Variants in KCNQ4 observed in about 807,000 individuals in gnomAD.
KCNQ4 encodes the protein potassium voltage-gated channel subfamily Q member 4, also known as potassium voltage-gated channel subfamily KQT member 4.
KCNQ4 carries 31 observed loss-of-function variants against 72.6 expected under a neutral mutation model. That is an observed-to-expected ratio of 0.43 (90% CI 0.32 to 0.58). The LOEUF (loss-of-function observed/expected upper bound fraction) is 0.58. Among genes scored for constraint, KCNQ4 ranks in the 20% least tolerant of loss-of-function variants. The probability of loss-of-function intolerance (pLI) is 0.08; values close to 1 mark genes in which losing one functional copy is unlikely to be tolerated. For synonymous variants in KCNQ4, 405 were observed against 403.7 expected (o/e 1.00, Z -0.04); for missense variants, 869 against 962.6 (o/e 0.90, Z 1.29).
intron 1 of KCNQ4, among the ~76,000 whole-genome samples, chr1:40,816,041 G>A (rs895449387): frequency 1.6e-5 from 2 of 124,228 alleles, no homozygotes; most frequent in African/African-American, 3.0e-5. Context: ...CAGAGGCTCC[G>A]TAGAGCTTTG....
rs770318252 is a variant in KCNQ4, at chr1:40,837,797, G to T, written c.1875+3G>T. 26 of 1,606,504 alleles carry T rather than the reference G, an allele frequency of 1.6e-5. 1 individual carries two copies. In the African/African-American group the frequency reaches 2.4e-4, roughly 15 times the overall value. On this transcript the variant is annotated splice_donor_region_variant and intron_variant, in intron 13 of 13. Coordinates refer to ENST00000347132, the MANE Select transcript of KCNQ4 (RefSeq NM_004700.4). The stretch of plus-strand genomic sequence containing the variant: ...GCGTGGTCAAGGTGGAGAAGCAGGT[G>T]AGTGTAGGATGGGGTGGCGGAGCTG...
intron 8 of KCNQ4, among the ~76,000 whole-genome samples, chr1:40,823,838 A>G (rs753049182): frequency 5.9e-5 from 9 of 152,228 alleles, no homozygotes; most frequent in Non-Finnish European, 1.2e-4. Context: ...ATGGGCTGAG[A>G]GTAAGCTCCT....
chr1:40,822,630 C>A (rs1648339220), intron 8 of KCNQ4, among the ~76,000 whole-genome samples: 1 of 152,146 alleles, frequency 6.6e-6, no homozygotes, highest in Non-Finnish European at 1.5e-5. Context: ...TTGGTGAAGC[C>A]CTGCCCCATG....
chr1:40,803,939 G>T (rs1287148754), intron 1 of KCNQ4, among the ~76,000 whole-genome samples: 2 of 152,184 alleles, frequency 1.3e-5, no homozygotes, highest in Non-Finnish European at 2.9e-5. Flanking sequence ...AGCTCCCCAG[G>T]GAACTCTGCC....
rs563132684 is a variant in KCNQ4, at chr1:40,817,315, A to G, written c.365A>G (p.Gln122Arg). Residue 122 changes from glutamine to arginine, a missense_variant, in exon 2 of 14, where the codon CAG (glutamine) becomes CGG (arginine). By Grantham distance (43) the Gln-to-Arg change is conservative. Around this residue, in one of 5 missense-constraint regions of KCNQ4, gnomAD observed 179 missense variants for 243.0 expected, o/e 0.74. Coordinates refer to ENST00000347132, the MANE Select transcript of KCNQ4 (RefSeq NM_004700.4). The surrounding 1 kb of genome is among the most constrained non-coding windows in gnomAD (Gnocchi z 5.5). Reference protein sequence around the residue: ...CLVLSVLSTIQEHQELANECL... With the variant: ...CLVLSVLSTIREHQELANECL... ...GTGCTGTCTGTGCTGTCCACTATCCAGGAGCACCAGGAACTTGCCAACGAG... is the reference window on the plus strand; with the variant it reads ...GTGCTGTCTGTGCTGTCCACTATCCGGGAGCACCAGGAACTTGCCAACGAG... 12 of 1,613,842 alleles carry G rather than the reference A, an allele frequency of 7.4e-6. No homozygotes were observed. The highest frequency in any genetic ancestry group is 1.6e-4 in the Middle Eastern group (1 of 6,084).
Position 40,833,186 on chromosome 1 carries a change from A to G in KCNQ4, c.1613+73A>G, listed in dbSNP as rs74071723. On this transcript the variant is annotated intron_variant, in intron 11 of 13. Coordinates refer to ENST00000347132, the MANE Select transcript of KCNQ4 (RefSeq NM_004700.4). ...TGCTGCTCCCCATCTGGGCGGGTGG[A>G]TCACTTGAGGTCAGGAGTTTGAGAC... 13,753 of 1,122,630 alleles carry G rather than the reference A, an allele frequency of 0.012. 1,108 individuals carry two copies. In the African/African-American group the frequency reaches 0.18, roughly 15 times the overall value. 69.5% of individuals were successfully genotyped at this position (1,122,630 alleles called of 1,614,324 possible).
At chr1:40,830,346 A>G (rs950808250) in intron 9 of KCNQ4, among the ~76,000 whole-genome samples, 3 of 152,176 alleles carry the variant, frequency 2.0e-5, no homozygotes, top group Non-Finnish European at 4.4e-5. Context: ...GCACACCTCC[A>G]GGGCACCACT....
chr1:40,806,849 C>G (rs1044904339), intron 1 of KCNQ4, among the ~76,000 whole-genome samples: 1 of 152,172 alleles, frequency 6.6e-6, no homozygotes, highest in South Asian at 2.1e-4. Context: ...TCCATTCCTG[C>G]GAAAGACAAT....
chr1:40,784,518 C>G lies in KCNQ4; in HGVS notation c.314+111C>G. The G allele has an allele frequency of 3.0e-6, 3 of 1,000,354 alleles. No individual in the cohort carries two copies. The highest frequency in any genetic ancestry group is 2.6e-5 in the South Asian group (2 of 76,298). The allele number at this position is 1,000,354 out of a possible 1,614,324, so 62.0% of individuals were successfully genotyped here. A position where few individuals can be genotyped will look rare whatever the true frequency, so the allele number is the denominator to read the frequency against. ...TCTACCCCCCTGCCTCAGGGCCGAC[C>G]CTCATCTCTCTCCCCCCAGGCCTAA... On this transcript the variant is annotated intron_variant, in intron 1 of 13. Transcript: ENST00000347132. The surrounding 1 kb of genome is among the most constrained non-coding windows in gnomAD (Gnocchi z 4.1).
chr1:40,830,755 C>G (rs1648618069), intron 9 of KCNQ4, among the ~76,000 whole-genome samples: 1 of 152,094 alleles, frequency 6.6e-6, no homozygotes, highest in South Asian at 2.1e-4. Context: ...GCCCAGCTCC[C>G]ACATCCTCCT....
At chr1:40,822,541 C>T (rs1648336744) in intron 8 of KCNQ4, 139 bp downstream of exon 8, 1 of 677,890 alleles carries the variant, frequency 1.5e-6, no homozygotes, top group African/African-American at 1.8e-5. Flanking sequence ...TCTGCAGATC[C>T]TATGTAATTC....
rs764363403 is a variant in KCNQ4 at position 40,824,165 on chromosome 1, G to A, written c.1199G>A (p.Arg400Gln). 1.3e-5 allele frequency: 20 copies of A among 1,553,978 alleles called. No individual in the cohort carries two copies. The highest frequency in any genetic ancestry group is 4.9e-5 in the East Asian group (2 of 41,062). The change falls in exon 9 of 14, where the codon CGG becomes CAG. Residue 400 changes from arginine to glutamine, a missense_variant. Physicochemically the swap from Arg to Gln is conservative, Grantham distance 43. Transcript: ENST00000347132. ...GGGGGCCTACGGCCCCTGGAGGTGCGGCGGGCGCCGGTACCCGACGGAGCA... is the reference window on the plus strand; with the variant it reads ...GGGGGCCTACGGCCCCTGGAGGTGCAGCGGGCGCCGGTACCCGACGGAGCA... ...RNGGLRPLEVRRAPVPDGAPS... is the reference protein window; with the variant it reads ...RNGGLRPLEVQRAPVPDGAPS...
At chr1:40,819,236 G>C in intron 4 of KCNQ4, 111 bp from the exon 5 acceptor site, 1 of 1,343,442 alleles carries the variant, frequency 7.4e-7, no homozygotes, top group Non-Finnish European at 1.0e-6. Flanking sequence ...AGAAAAGCGA[G>C]CCTGGGACTC....
Position 40,807,691 on chromosome 1 carries a change from G to A in KCNQ4, c.315-9574G>A, listed in dbSNP as rs989227896. On this transcript the variant is annotated intron_variant, in intron 1 of 13. Transcript: ENST00000347132. ...CAAGTCTAGCTGAAGTCCCTTCTTC[G>A]GTATCAGCTCCGGTTTGGGGTTTAA... is the stretch of plus-strand genomic sequence containing the variant. 2.0e-5 allele frequency among the ~76,000 whole-genome samples: 3 copies of A among 152,164 alleles called. No individual in the cohort carries two copies. In the East Asian group the frequency reaches 5.8e-4, roughly 29 times the overall value.
chr1:40,818,703 G>C lies in KCNQ4; in HGVS notation c.708+23G>C, dbSNP rs779376065. On this transcript the variant is annotated intron_variant, in intron 4 of 13. Coordinates refer to ENST00000347132, the MANE Select transcript of KCNQ4 (RefSeq NM_004700.4). ...AAGGTGAGGCCTGCAAGCCGCGCGC[G>C]GAGACCCGAGGGCGTGTCTGGGGCA... The C allele has an allele frequency of 1.5e-5, 24 of 1,565,478 alleles. 1 individual carries two copies. Among genetic ancestry groups the C allele is most frequent in the Middle Eastern group, 2.1e-4 (1 of 4,844 alleles).
chr1:40,821,545 G>A (rs972982145), intron 7 of KCNQ4, among the ~76,000 whole-genome samples: 1 of 152,160 alleles, frequency 6.6e-6, no homozygotes. Context: ...GAGGAAGCTC[G>A]GCAAGCCCAT....
At chr1:40,820,041 CCT>C (rs1648240535) in intron 6 of KCNQ4, 56 bp downstream of exon 6, 2 of 1,555,178 alleles carry the variant, frequency 1.3e-6, no homozygotes, top group Admixed American at 1.7e-5. Flanking sequence ...CCTGCTCACC[CCT>C]GTCACACATT....
At chr1:40,829,156 C>T (rs1278359810) in intron 9 of KCNQ4, among the ~76,000 whole-genome samples, 1 of 152,224 alleles carries the variant, frequency 6.6e-6, no homozygotes, top group Non-Finnish European at 1.5e-5. Flanking sequence ...AGGCCCTTGG[C>T]CAAAGTGTCA....
At position 40,819,391 on chromosome 1, in the gene KCNQ4, C is replaced by T. The variant is rs1232415025; in HGVS notation, c.753C>T (p.Phe251=). The T allele has an allele frequency of 3.1e-6, 5 of 1,613,792 alleles. No homozygotes were observed. The highest frequency in any genetic ancestry group is 3.3e-5 in the Admixed American group (2 of 60,000). ...AWYIGFLVLI[F]ASFLVYLAEK... ...ACATCGGGTTCCTGGTGCTCATCTT[C>T]GCCTCCTTCCTGGTCTACCTGGCTG... The change falls in exon 5 of 14, where the codon TTC becomes TTT. Residue 251 remains phenylalanine (F), a synonymous_variant. Transcript: ENST00000347132.
Sources: allele counts gnomAD v4.1 joint callset (sites outside exome capture counted in the v4.1 genomes callset), GRCh38; gene constraint gnomAD v4.1.1; regional missense constraint gnomAD v4.1.1; non-coding constraint Gnocchi (gnomAD v3.1); transcripts MANE v1.5; gene names NCBI Gene and HGNC (gene_info 2026-07-23, HGNC 2026-07-21).